Variants in TMEM114 observed in about 807,000 individuals in gnomAD.
The protein encoded by TMEM114 is transmembrane protein 114, also known as claudin-26.
TMEM114 carries 6 observed loss-of-function variants against 6.2 expected under a neutral mutation model. The observed-to-expected ratio is 0.97, with a 90% CI of 0.53 to 1.91. The LOEUF (loss-of-function observed/expected upper bound fraction) is 1.91. TMEM114 is among the 40% of genes most tolerant of loss of function. The pLI is 0.01. For missense variants in TMEM114, 218 were observed against 158.3 expected (o/e 1.38, Z -2.02); for synonymous variants, 104 against 73.0 (o/e 1.42, Z -2.16).
chr16:8,555,139 T>C (rs887837454), intron 2 of TMEM114, among the ~76,000 whole-genome samples: 1 of 152,204 alleles, frequency 6.6e-6, no homozygotes, highest in East Asian at 1.9e-4. Flanking sequence ...ATCATGCACA[T>C]TTCCTGAGCT....
At position 8,569,884 on chromosome 16, in the gene TMEM114, C is replaced by G. The variant is rs1409220553; in HGVS notation, c.561G>C (p.Trp187Cys). Residue 187 changes from tryptophan (W) to cysteine (C), a missense_variant, in exon 4 of 4, where the codon TGG becomes TGC. Transcript: ENST00000620492. Reference sequence around the variant, plus strand: ...AGCTGATCCAGCCCAGGGCCAGGGACCAGCCGAAGCTGATGTCCACCTGGT... The same window carrying G: ...AGCTGATCCAGCCCAGGGCCAGGGAGCAGCCGAAGCTGATGTCCACCTGGT... ...LLDQVDISFG[W>C]SLALGWISFI... 1.3e-6 allele frequency: 2 copies of G among 1,551,212 alleles called. No homozygotes were observed. Among genetic ancestry groups the G allele is most frequent in the African/African-American group, 1.4e-5 (1 of 73,182 alleles).
intron 2 of TMEM114, among the ~76,000 whole-genome samples, chr16:8,551,045 G>A (rs1357613931): frequency 1.3e-5 from 2 of 152,192 alleles, no homozygotes; most frequent in African/African-American, 2.4e-5. Context: ...GAGGTCTCCC[G>A]CCATCCTGTT....
At chr16:8,554,853 A>G (rs9925238) in intron 2 of TMEM114, among the ~76,000 whole-genome samples, 65,352 of 152,042 alleles carry the variant, frequency 0.43, 14,367 homozygotes, top group East Asian at 0.52. Context: ...AGGATGAGGA[A>G]GTTGAGGGAC....
At chr16:8,559,309 C>G (rs898151659) in intron 2 of TMEM114, among the ~76,000 whole-genome samples, 26 of 152,256 alleles carry the variant, frequency 1.7e-4, no homozygotes, top group African/African-American at 5.1e-4. Flanking sequence ...TCCCAAAACG[C>G]TGGGATTATA....
chr16:8,587,454 C>G (rs1902351400), intron 2 of TMEM114, among the ~76,000 whole-genome samples: 1 of 152,186 alleles, frequency 6.6e-6, no homozygotes, highest in Non-Finnish European at 1.5e-5. Flanking sequence ...ATACAATTTG[C>G]ACTTAGCAGT....
chr16:8,570,445 C>T (rs934805667), intron 3 of TMEM114, among the ~76,000 whole-genome samples: 1 of 152,188 alleles, frequency 6.6e-6, no homozygotes, highest in African/African-American at 2.4e-5. Context: ...TATTCTCCTG[C>T]CTCAGCCTCC....
At chr16:8,527,754 A>G in the TMEM114 span, among the ~76,000 whole-genome samples, 1 of 152,220 alleles carries the variant, frequency 6.6e-6, no homozygotes, top group Non-Finnish European at 1.5e-5. Context: ...GCAAACAGCT[A>G]CTAAAGAGGA....
At chr16:8,577,854 G>A (rs753275760) in intron 2 of TMEM114, among the ~76,000 whole-genome samples, 15 of 152,032 alleles carry the variant, frequency 9.9e-5, no homozygotes, top group African/African-American at 3.1e-4. Flanking sequence ...CCCAAAGTGC[G>A]GAGATTACAG....
intron 2 of TMEM114, among the ~76,000 whole-genome samples, chr16:8,560,316 G>A (rs541443221): frequency 1.2e-4 from 19 of 152,130 alleles, no homozygotes; most frequent in South Asian, 4.2e-4. Context: ...GATCTTGGAT[G>A]CATCCTTGAC....
At chr16:8,566,947 C>G (rs1382007193), downstream of TMEM114, among the ~76,000 whole-genome samples, 3 of 131,344 alleles carry the variant, frequency 2.3e-5, no homozygotes, top group Non-Finnish European at 4.6e-5. Flanking sequence ...GTCACCCAGG[C>G]TGGAGCGCAA....
intron 2 of TMEM114, among the ~76,000 whole-genome samples, chr16:8,576,720 AAGGAAGGAAGG>A: frequency 9.3e-6 from 1 of 108,074 alleles, no homozygotes; most frequent in South Asian, 2.8e-4. Context: ...GGAAGGAAGG[AAGGAAGGAAGG>A]AAGGAAGGAA....
chr16:8,545,940 C>T (rs548388405), intron 2 of TMEM114, among the ~76,000 whole-genome samples: 1 of 152,150 alleles, frequency 6.6e-6, no homozygotes, highest in African/African-American at 2.4e-5. Context: ...CATAGCAAGA[C>T]CCTATCTCTA....
chr16:8,541,247 C>G (rs944858146), intron 2 of TMEM114, among the ~76,000 whole-genome samples: 1 of 152,106 alleles, frequency 6.6e-6, no homozygotes, highest in Non-Finnish European at 1.5e-5. Context: ...ATGTGGCTAC[C>G]AAGGACGTGA....
chr16:8,535,419 T>G (rs1282052602), downstream of TMEM114, among the ~76,000 whole-genome samples: 1 of 150,604 alleles, frequency 6.6e-6, no homozygotes, highest in East Asian at 1.9e-4. Flanking sequence ...TTTTTTTTTC[T>G]TCTTACAATC....
Position 8,570,012 on chromosome 16 carries a change from G to C in TMEM114, c.440-7C>G, listed in dbSNP as rs62018861. 0.1 allele frequency: 161,370 copies of C among 1,546,194 alleles called. 9,414 individuals are homozygous for C. Among genetic ancestry groups the C allele is most frequent in the Middle Eastern group, 0.2 (1,167 of 5,944 alleles). ...CCAGCGAGGGTCACCATGGCTGCAG[G>C]GAGGGCAAAGGGAGAGCAGATCAAT... On this transcript the variant is annotated splice_region_variant and splice_polypyrimidine_tract_variant and intron_variant, in intron 3 of 3. Coordinates refer to ENST00000620492, the MANE Select transcript of TMEM114 (RefSeq NM_001146336.2).
the TMEM114 span, among the ~76,000 whole-genome samples, chr16:8,528,231 G>A: frequency 7.1e-6 from 1 of 140,998 alleles, no homozygotes; most frequent in Non-Finnish European, 1.5e-5. Context: ...ATATGAATTT[G>A]TTCACCCAAA....
chr16:8,574,344 C>A (rs529820416), intron 2 of TMEM114, among the ~76,000 whole-genome samples: 1 of 152,282 alleles, frequency 6.6e-6, no homozygotes, highest in South Asian at 2.1e-4. Flanking sequence ...GTAGAGCAGG[C>A]ACTAAATAAA....
chr16:8,564,217 GTTA>G, intron 2 of TMEM114, among the ~76,000 whole-genome samples: 2 of 144,192 alleles, frequency 1.4e-5, no homozygotes, highest in South Asian at 4.4e-4. Flanking sequence ...GAATGAGTGA[GTTA>G]GTGAATGAGT....
downstream of TMEM114, among the ~76,000 whole-genome samples, chr16:8,533,901 T>C (rs7199999): frequency 0.73 from 110,879 of 152,022 alleles, 40,678 homozygotes; most frequent in Middle Eastern, 0.79. Context: ...AGGAGAAGGA[T>C]GCAATCAGGC....
Sources: allele counts gnomAD v4.1 joint callset (sites outside exome capture counted in the v4.1 genomes callset), GRCh38; gene constraint gnomAD v4.1.1; transcripts MANE v1.5; gene names NCBI Gene and HGNC (gene_info 2026-07-23, HGNC 2026-07-21).